The following TBC1D5 variants were observed in gnomAD, a reference collection of about 807,000 sequenced individuals.
TBC1D5 encodes TBC1 domain family member 5, also known as TBC1 domain family, member 5.
A neutral mutation model predicts 100.3 loss-of-function variants in TBC1D5; 75 were observed. That is an observed-to-expected ratio of 0.75 (90% CI 0.62 to 0.91). The LOEUF (loss-of-function observed/expected upper bound fraction) is 0.91, where lower values mean the gene tolerates loss of function less well. Ranked by LOEUF, TBC1D5 falls within the 40% of genes least tolerant of loss-of-function variation. The probability of loss-of-function intolerance (pLI) is 0.00; values close to 1 mark genes in which losing one functional copy is unlikely to be tolerated. For missense variants in TBC1D5, 910 were observed against 942.4 expected (o/e 0.97, Z 0.45); for synonymous variants, 323 against 325.6 (o/e 0.99, Z 0.09).
chr3:17,735,687 T>A (rs534983429), intron 1 of TBC1D5, among the ~76,000 whole-genome samples: 1 of 152,172 alleles, frequency 6.6e-6, no homozygotes, highest in Non-Finnish European at 1.5e-5. Context: ...CATTTAGCCA[T>A]GCAAGAACAA....
chr3:17,448,548 A>G (rs2094851511), intron 3 of TBC1D5, among the ~76,000 whole-genome samples: 1 of 152,258 alleles, frequency 6.6e-6, no homozygotes, highest in African/African-American at 2.4e-5. Context: ...CAGGGGCTGC[A>G]GAATGGATGC....
chr3:17,161,239 T>C, exon 22 of TBC1D5: 2 of 1,612,332 alleles, frequency 1.2e-6, no homozygotes, highest in Non-Finnish European at 1.7e-6. Flanking sequence ...CAGTGCACCC[T>C]GGCGTTTCTG....
intron 1 of TBC1D5, among the ~76,000 whole-genome samples, chr3:17,694,900 C>T (rs566336513): frequency 7.2e-5 from 11 of 152,288 alleles, no homozygotes; most frequent in Middle Eastern, 3.4e-3. Context: ...GCGGACCTCT[C>T]GGCAGAAACC....
At chr3:17,197,708 A>G (rs2070888163) in intron 18 of TBC1D5, among the ~76,000 whole-genome samples, 1 of 152,104 alleles carries the variant, frequency 6.6e-6, no homozygotes. Context: ...TGCATAGCAT[A>G]GTGATTTTGG....
chr3:17,579,047 T>C (rs1009010243), intron 2 of TBC1D5, among the ~76,000 whole-genome samples: 1 of 152,062 alleles, frequency 6.6e-6, no homozygotes, highest in African/African-American at 2.4e-5. Flanking sequence ...GAGGCAAAAT[T>C]ATTGTTCATA....
chr3:17,574,824 CTA>C (rs1475836845), intron 2 of TBC1D5, among the ~76,000 whole-genome samples: 2 of 152,054 alleles, frequency 1.3e-5, no homozygotes, highest in African/African-American at 4.8e-5. Flanking sequence ...ACTTCTGTTC[CTA>C]TATATCAAAG....
chr3:17,476,329 A>C (rs1019180820), intron 3 of TBC1D5, among the ~76,000 whole-genome samples: 2 of 152,000 alleles, frequency 1.3e-5, no homozygotes, highest in African/African-American at 4.8e-5. Flanking sequence ...AGATGTGAGA[A>C]AATAATTCAT....
chr3:17,469,412 G>A (rs2095347244), intron 3 of TBC1D5, among the ~76,000 whole-genome samples: 2 of 151,466 alleles, frequency 1.3e-5, no homozygotes, highest in Admixed American at 6.6e-5. Flanking sequence ...TTCTAGCAAC[G>A]AATGTATAGC....
chr3:17,184,922 T>TGC (rs1348582512), intron 19 of TBC1D5, 187 bp downstream of exon 20: 2 of 386,256 alleles, frequency 5.2e-6, no homozygotes, highest in East Asian at 7.6e-5. Context: ...AATCCCTCTA[T>TGC]GCCTTGGTTT....
chr3:17,446,736 C>T (rs2094805564), intron 3 of TBC1D5, among the ~76,000 whole-genome samples: 5 of 152,162 alleles, frequency 3.3e-5, no homozygotes, highest in Admixed American at 3.3e-4. Context: ...CTTTGGGAGG[C>T]CGAGGCGGGT....
chr3:17,376,680 C>G, intron 9 of TBC1D5, 67 bp from the exon 10 acceptor site: 1 of 1,387,504 alleles, frequency 7.2e-7, no homozygotes, highest in Non-Finnish European at 9.8e-7. Flanking sequence ...ACAGTATAAA[C>G]TCAGTTAAAT....
intron 2 of TBC1D5, among the ~76,000 whole-genome samples, chr3:17,540,923 A>AAG (rs2096347845): frequency 6.9e-6 from 1 of 144,842 alleles, no homozygotes; most frequent in African/African-American, 2.5e-5. Flanking sequence ...AAAAAAAAAA[A>AAG]AAAAAAAAAG....
chr3:17,579,643 A>C (rs1039096291), intron 2 of TBC1D5, among the ~76,000 whole-genome samples: 1 of 152,164 alleles, frequency 6.6e-6, no homozygotes, highest in African/African-American at 2.4e-5. Context: ...GAAAACCTAA[A>C]AACATTCACA....
intron 17 of TBC1D5, among the ~76,000 whole-genome samples, chr3:17,235,280 A>G (rs2075769011): frequency 6.6e-6 from 1 of 152,232 alleles, no homozygotes; most frequent in Non-Finnish European, 1.5e-5. Context: ...CTATCTAAGC[A>G]TACAAGCACA....
In TBC1D5 at chr3:17,204,740, A is replaced by C. The variant is rs553846526; in HGVS notation, c.1752+9467T>G. 3.3e-5 allele frequency among the ~76,000 whole-genome samples: 5 copies of C among 152,222 alleles called. No individual in the cohort carries two copies. In the East Asian group the frequency reaches 9.6e-4, roughly 29 times the overall value. ...CCTTCTCAGATTTTTTTTTTAATTT[A>C]AAATAAATGTATTGCACCATAAGGA... On this transcript the variant is annotated intron_variant, in intron 18 of 21. Transcript: ENST00000253692.
intron 3 of TBC1D5, among the ~76,000 whole-genome samples, chr3:17,430,584 A>G (rs1374113176): frequency 6.6e-6 from 1 of 151,918 alleles, no homozygotes; most frequent in African/African-American, 2.4e-5. Flanking sequence ...CACTAACAAT[A>G]TTAGAGAAAA....
intron 18 of TBC1D5, among the ~76,000 whole-genome samples, chr3:17,197,145 G>A (rs1420978064): frequency 6.6e-6 from 1 of 152,132 alleles, no homozygotes; most frequent in Non-Finnish European, 1.5e-5. Flanking sequence ...ACTTCACAGT[G>A]ACTCACAAGC....
chr3:17,395,649 T>C (rs1014897226), intron 8 of TBC1D5, among the ~76,000 whole-genome samples: 1 of 151,950 alleles, frequency 6.6e-6, no homozygotes, highest in South Asian at 2.1e-4. Context: ...ACAAAGAAAA[T>C]CTGAAAAGCA....
intron 2 of TBC1D5, among the ~76,000 whole-genome samples, chr3:17,603,835 G>C (rs1196566174): frequency 6.6e-6 from 1 of 151,992 alleles, no homozygotes; most frequent in Non-Finnish European, 1.5e-5. Flanking sequence ...AGTAGAGATG[G>C]GGTTTTACCA....
Sources: gnomAD v4.1 joint callset for allele counts (sites outside exome capture counted in the v4.1 genomes callset) on GRCh38, gnomAD v4.1.1 for gene constraint, MANE v1.5 for transcripts, NCBI Gene and HGNC (gene_info 2026-07-23, HGNC 2026-07-21) for gene names.